Variants in MPZL1 observed in about 807,000 individuals in gnomAD.
MPZL1 encodes the protein myelin protein zero like 1, also known as myelin protein zero-like protein 1.
MPZL1 carries 16 observed loss-of-function variants against 29.3 expected under a neutral mutation model. The ratio of observed to expected loss-of-function variants is 0.55; its 90% CI spans 0.37 to 0.83. The LOEUF is 0.83. Ranked by LOEUF, MPZL1 falls within the 40% of genes least tolerant of loss-of-function variation. The pLI, the probability that MPZL1 is intolerant of heterozygous loss-of-function variation, is 0.00. For synonymous variants in MPZL1, 143 were observed against 132.0 expected, an observed-to-expected ratio of 1.08 and a Z score of -0.57; for missense variants, 279 against 332.9, an observed-to-expected ratio of 0.84 and a Z score of 1.26.
intron 1 of MPZL1, among the ~76,000 whole-genome samples, chr1:167,762,990 A>G (rs1342411159): frequency 1.3e-5 from 2 of 152,228 alleles, no homozygotes; most frequent in African/African-American, 4.8e-5. Context: ...CAGATTAGCC[A>G]AAGAGTGTTG....
intron 5 of MPZL1, among the ~76,000 whole-genome samples, chr1:167,779,420 C>G (rs1410921356): frequency 6.6e-6 from 1 of 151,226 alleles, no homozygotes; most frequent in East Asian, 2.0e-4. Flanking sequence ...CCCCATCTCT[C>G]CTAAAAATAC....
rs114309918 is a variant in MPZL1, at chr1:167,742,706, C to A, written c.91+20464C>A. Among the ~76,000 whole-genome samples the A allele has an allele frequency of 7.1e-3, 1,077 of 152,228 alleles. 11 individuals carry two copies. The highest frequency in any genetic ancestry group is 0.025 in the African/African-American group (1,027 of 41,580). ...TTGGGTCTTGGTCATGAAGTCTTTG[C>A]GTAAGCTAATGTCTAGAAGGGTTTT... On this transcript the variant is annotated intron_variant, in intron 1 of 5. Coordinates refer to ENST00000359523, the MANE Select transcript of MPZL1 (RefSeq NM_003953.6).
In MPZL1 at chr1:167,760,783, G is replaced by GTGTGTGTGTGTGTGTC. The variant is rs1553255558; in HGVS notation, c.92-4789_92-4788insGTGTCTGTGTGTGTGT. 1.2e-3 allele frequency among the ~76,000 whole-genome samples: 180 copies of GTGTGTGTGTGTGTGTC among 147,310 alleles called. 2 individuals are homozygous for GTGTGTGTGTGTGTGTC. Among genetic ancestry groups the GTGTGTGTGTGTGTGTC allele is most frequent in the African/African-American group, 4.3e-3 (173 of 39,782 alleles). On this transcript the variant is annotated intron_variant, in intron 1 of 5. Transcript: ENST00000359523. ...TGTGTGTGTGTGTGTGTGTGTGTGTGTGTGTGTGTGTACAGGTGTCATCAG... is the reference window on the plus strand; with the variant it reads ...TGTGTGTGTGTGTGTGTGTGTGTGTGTGTGTGTGTGTGTGTCTGTGTGTGTGTACAGGTGTCATCAG...
chr1:167,781,878 C>T (rs1273622809), intron 5 of MPZL1, among the ~76,000 whole-genome samples: 2 of 152,032 alleles, frequency 1.3e-5, no homozygotes, highest in South Asian at 2.1e-4. Flanking sequence ...CTTGTAATTT[C>T]ATTGGACCTC....
At chr1:167,749,034 T>A (rs1660705997) in intron 1 of MPZL1, among the ~76,000 whole-genome samples, 2 of 152,280 alleles carry the variant, frequency 1.3e-5, no homozygotes, top group South Asian at 4.1e-4. Context: ...TTCTCAAAAA[T>A]ACAATTTCAT....
chr1:167,739,200 A>G (rs1046789156), intron 1 of MPZL1, among the ~76,000 whole-genome samples: 1 of 150,418 alleles, frequency 6.6e-6, no homozygotes, highest in Admixed American at 6.6e-5. Context: ...GCCTTAGCCT[A>G]CCAAAGTGCT....
rs184690422 is a variant in MPZL1 at position 167,738,431 on chromosome 1, C to A, written c.91+16189C>A. Among the ~76,000 whole-genome samples the A allele has an allele frequency of 2.6e-5, 4 of 152,250 alleles. No homozygotes were observed. The East Asian group carries it at 5.8e-4, about 22-fold the overall frequency. ...AATAAGATGTCCGTGTAACTACTAA[C>A]CCCATTATTTACTGATCTCCATTGC... is the stretch of plus-strand genomic sequence containing the variant. On this transcript the variant is annotated intron_variant, in intron 1 of 5. Transcript: ENST00000359523.
chr1:167,765,856 T>A, intron 2 of MPZL1, 107 bp downstream of exon 2: 3 of 1,113,508 alleles, frequency 2.7e-6, no homozygotes, highest in Non-Finnish European at 3.8e-6. Context: ...ATGAGTGTAT[T>A]TTTTATCTGT....
chr1:167,741,864 C>G (rs555871418), intron 1 of MPZL1, among the ~76,000 whole-genome samples: 14 of 152,092 alleles, frequency 9.2e-5, no homozygotes, highest in African/African-American at 3.4e-4. Context: ...GAAACCCTGT[C>G]TCTACAAAAA....
At chr1:167,758,864 G>A (rs189260377) in intron 1 of MPZL1, among the ~76,000 whole-genome samples, 4 of 152,172 alleles carry the variant, frequency 2.6e-5, no homozygotes. Context: ...AGCAGGATTC[G>A]GTACTCCTTA....
chr1:167,758,335 T>C (rs1024309268), intron 1 of MPZL1, among the ~76,000 whole-genome samples: 2 of 152,230 alleles, frequency 1.3e-5, no homozygotes, highest in East Asian at 1.9e-4. Context: ...AATTATTTTA[T>C]GGTATGAGAG....
chr1:167,783,990 T>C (rs1661543131), intron 5 of MPZL1, among the ~76,000 whole-genome samples: 1 of 152,184 alleles, frequency 6.6e-6, no homozygotes, highest in African/African-American at 2.4e-5. Context: ...TCAAATTAAA[T>C]AGGGCTACAG....
chr1:167,771,939 C>T (rs1661259210), intron 2 of MPZL1, among the ~76,000 whole-genome samples: 1 of 152,134 alleles, frequency 6.6e-6, no homozygotes, highest in African/African-American at 2.4e-5. Context: ...GCCCGGTCAA[C>T]ACGGCAAAAC....
At chr1:167,729,372 A>G (rs1288120922) in intron 1 of MPZL1, among the ~76,000 whole-genome samples, 1 of 152,190 alleles carries the variant, frequency 6.6e-6, no homozygotes, top group Non-Finnish European at 1.5e-5. Context: ...CATTTAACAT[A>G]ATCATGTGCT....
At chr1:167,745,409 G>C (rs946035731) in intron 1 of MPZL1, among the ~76,000 whole-genome samples, 2 of 152,050 alleles carry the variant, frequency 1.3e-5, no homozygotes, top group African/African-American at 4.8e-5. Flanking sequence ...CTAATGTCAA[G>C]AATGTTTTTG....
intron 1 of MPZL1, among the ~76,000 whole-genome samples, chr1:167,756,691 C>CTTTA (rs951441426): frequency 2.6e-5 from 4 of 152,104 alleles, no homozygotes; most frequent in African/African-American, 9.7e-5. Context: ...ATATTGTATT[C>CTTTA]TTTATTTATT....
chr1:167,776,378 T>G (rs1187165376), intron 5 of MPZL1, among the ~76,000 whole-genome samples: 2 of 152,176 alleles, frequency 1.3e-5, no homozygotes, highest in African/African-American at 4.8e-5. Context: ...TGAGTAAAGA[T>G]TTCCATGAAA....
At position 167,790,781 on chromosome 1, in the gene MPZL1, G is replaced by A. The variant is rs1318661698; in HGVS notation, c.*2860G>A. On this transcript the variant is annotated 3_prime_UTR_variant, in exon 6 of 6. Transcript: ENST00000359523. ...CATTATTATTTTTTGATCTTCAGTT[G>A]TATTTTTGTGAATATTTTAATACAT... 2 of 152,164 alleles carry A rather than the reference G, an allele frequency of 1.3e-5. No individual in the cohort carries two copies. The highest frequency in any genetic ancestry group is 2.4e-5 in the African/African-American group (1 of 41,438). The allele number at this position is 152,164 out of a possible 1,614,324, so 9.4% of individuals were successfully genotyped here. A position where few individuals can be genotyped will look rare whatever the true frequency, so the allele number is the denominator to read the frequency against.
chr1:167,762,934 A>C (rs916943204), intron 1 of MPZL1, among the ~76,000 whole-genome samples: 3 of 152,182 alleles, frequency 2.0e-5, no homozygotes, highest in African/African-American at 7.2e-5. Context: ...GAGCTAGCTG[A>C]TGGGCTAGCT....
Sources: gnomAD v4.1 joint callset for allele counts (sites outside exome capture counted in the v4.1 genomes callset) on GRCh38, gnomAD v4.1.1 for gene constraint, MANE v1.5 for transcripts, NCBI Gene and HGNC (gene_info 2026-07-23, HGNC 2026-07-21) for gene names.